WWOX: variants seen among roughly 807,000 people sequenced by gnomAD.
The protein encoded by WWOX is WW domain-containing oxidoreductase.
In WWOX, 69 loss-of-function variants were observed where a neutral mutation model predicts 46.2. The ratio of observed to expected loss-of-function variants is 1.49; its 90% CI spans 1.23 to 1.82. The LOEUF (loss-of-function observed/expected upper bound fraction) is 1.82, where lower values mean the gene tolerates loss of function less well. WWOX is among the 40% of genes most tolerant of loss of function. The pLI is 0.00. For missense variants in WWOX, 919 were observed against 542.6 expected (o/e 1.69, Z -6.89); for synonymous variants, 359 against 202.6 (o/e 1.77, Z -6.56).
At chr16:79,115,368 A>C (rs1467731625) in intron 8 of WWOX, among the ~76,000 whole-genome samples, 1 of 152,220 alleles carries the variant, frequency 6.6e-6, no homozygotes, top group Non-Finnish European at 1.5e-5. Context: ...TATATGGTGC[A>C]GGGTGGTCAG....
chr16:78,541,398 C>G (rs920837493), intron 8 of WWOX, among the ~76,000 whole-genome samples: 2 of 134,300 alleles, frequency 1.5e-5, no homozygotes, highest in African/African-American at 5.4e-5. Flanking sequence ...GGCGTGAACC[C>G]GGGAGGCGGA....
rs141561954 is a variant in WWOX, at chr16:78,599,272, T to C, written c.1056+166520T>C. Among the ~76,000 whole-genome samples, 996 of 152,354 alleles carry C rather than the reference T, an allele frequency of 6.5e-3. 8 individuals are homozygous for C. Among genetic ancestry groups the C allele is most frequent in the African/African-American group, 0.022 (908 of 41,592 alleles). On this transcript the variant is annotated intron_variant, in intron 8 of 8. Coordinates refer to ENST00000566780, the MANE Select transcript of WWOX (RefSeq NM_016373.4). ...AATTCTCAGCTGGTCTAGCTTTGTC[T>C]GTGAACCTCCGGGATCTCTCAGGGG...
At chr16:79,197,397 A>G (rs762004964) in intron 8 of WWOX, among the ~76,000 whole-genome samples, 9 of 152,112 alleles carry the variant, frequency 5.9e-5, no homozygotes, top group African/African-American at 9.7e-5. Flanking sequence ...TTCAGTTTAA[A>G]TTGCTTGTGG....
At chr16:78,650,847 G>C (rs564312424) in intron 8 of WWOX, among the ~76,000 whole-genome samples, 1 of 152,158 alleles carries the variant, frequency 6.6e-6, no homozygotes, top group Non-Finnish European at 1.5e-5. Context: ...CGCTGATGTA[G>C]ACAGAATATT....
intron 8 of WWOX, among the ~76,000 whole-genome samples, chr16:78,769,402 C>G (rs551709420): frequency 1.6e-4 from 24 of 152,228 alleles, no homozygotes; most frequent in Admixed American, 2.6e-4. Context: ...TGCTTGTAAC[C>G]TGTCAAGCAC....
chr16:78,431,193 A>AC (rs1380489426), intron 7 of WWOX, among the ~76,000 whole-genome samples: 2 of 152,202 alleles, frequency 1.3e-5, no homozygotes, highest in African/African-American at 4.8e-5. Flanking sequence ...ACTCCGTCAG[A>AC]CCCAATTATA....
In WWOX at chr16:79,048,721, G is replaced by A. The variant is rs536819520; in HGVS notation, c.1057-162887G>A. On this transcript the variant is annotated intron_variant, in intron 8 of 8. Coordinates refer to ENST00000566780, the MANE Select transcript of WWOX (RefSeq NM_016373.4). ...TTTCTTCAAACTTTCAAATTGTCTT[G>A]CCTGCAGCAGATGCAGACCCAGCAC... Among the ~76,000 whole-genome samples the A allele has an allele frequency of 2.6e-5, 4 of 152,098 alleles. No homozygotes were observed. The South Asian group carries it at 8.3e-4, about 32-fold the overall frequency.
intron 8 of WWOX, among the ~76,000 whole-genome samples, chr16:78,841,892 C>T (rs755931146): frequency 3.3e-5 from 5 of 152,056 alleles, no homozygotes; most frequent in Non-Finnish European, 7.4e-5. Context: ...TCTTTTGAAA[C>T]GAGGGTCTCG....
intron 8 of WWOX, among the ~76,000 whole-genome samples, chr16:79,066,149 C>A (rs1020572727): frequency 6.6e-6 from 1 of 152,162 alleles, no homozygotes; most frequent in African/African-American, 2.4e-5. Flanking sequence ...ATCTACTAAT[C>A]TTTGAGTTTG....
intron 8 of WWOX, among the ~76,000 whole-genome samples, chr16:78,718,975 T>G (rs950257935): frequency 2.6e-5 from 4 of 152,016 alleles, no homozygotes; most frequent in Middle Eastern, 3.2e-3. Context: ...ATTCACATTT[T>G]TTTGAGTCTG....
intron 8 of WWOX, among the ~76,000 whole-genome samples, chr16:78,744,035 C>T (rs958958268): frequency 2.0e-5 from 3 of 152,072 alleles, no homozygotes; most frequent in Non-Finnish European, 4.4e-5. Context: ...TTATTCAAAA[C>T]GCCAAGAACC....
chr16:79,078,401 T>C (rs1270961539), intron 8 of WWOX, among the ~76,000 whole-genome samples: 2 of 152,170 alleles, frequency 1.3e-5, no homozygotes, highest in Non-Finnish European at 2.9e-5. Context: ...CTGATTCTCA[T>C]GGCTCGGGAA....
At chr16:79,209,239 G>T (rs2051627970) in intron 8 of WWOX, among the ~76,000 whole-genome samples, 1 of 152,222 alleles carries the variant, frequency 6.6e-6, no homozygotes, top group African/African-American at 2.4e-5. Context: ...TCCGTGGAAG[G>T]AAAAGGTAGG....
intron 8 of WWOX, among the ~76,000 whole-genome samples, chr16:78,985,675 A>G (rs761047993): frequency 6.6e-6 from 1 of 152,238 alleles, no homozygotes; most frequent in Non-Finnish European, 1.5e-5. Flanking sequence ...AGGCTGAGGC[A>G]GGAGAATTGC....
In WWOX at chr16:79,212,385, G is replaced by A; in HGVS notation, c.*589G>A. ...GGGAGTAGAATACGCAGAACTACCA[G>A]GTGGCAAAGTACTTGTCATAGACTC... On this transcript the variant is annotated 3_prime_UTR_variant, in exon 9 of 9. Coordinates refer to ENST00000566780, the MANE Select transcript of WWOX (RefSeq NM_016373.4). 1 of 481,290 alleles carries A rather than the reference G, an allele frequency of 2.1e-6. No homozygotes were observed. The highest frequency in any genetic ancestry group is 3.6e-6 in the Non-Finnish European group (1 of 276,158). The allele number at this position is 481,290 out of a possible 1,614,324, so 29.8% of individuals were successfully genotyped here. A position where few individuals can be genotyped will look rare whatever the true frequency, so the allele number is the denominator to read the frequency against.
At chr16:78,644,880 G>C (rs921810191) in intron 8 of WWOX, among the ~76,000 whole-genome samples, 1 of 152,148 alleles carries the variant, frequency 6.6e-6, no homozygotes, top group Non-Finnish European at 1.5e-5. Flanking sequence ...GTAGAAAATC[G>C]GGACGGCATG....
intron 8 of WWOX, among the ~76,000 whole-genome samples, chr16:78,850,996 C>T (rs1370861797): frequency 6.6e-6 from 1 of 152,142 alleles, no homozygotes. Flanking sequence ...TGTAGTGTTT[C>T]TTTTGCAGCT....
chr16:79,109,950 A>C lies in WWOX; in HGVS notation c.1057-101658A>C, dbSNP rs577938882. On this transcript the variant is annotated intron_variant, in intron 8 of 8. Transcript: ENST00000566780. ...TATGTGAGCTTAAAATGTCAGTTGC[A>C]TGGAAATGAAAGTGCCAACCCTCCA... is the stretch of plus-strand genomic sequence containing the variant. Among the ~76,000 whole-genome samples, 3 of 152,338 alleles carry C rather than the reference A, an allele frequency of 2.0e-5. No homozygotes were observed. In the East Asian group the frequency reaches 5.8e-4, roughly 29 times the overall value.
At chr16:78,323,551 G>A (rs890976536) in intron 5 of WWOX, among the ~76,000 whole-genome samples, 22 of 152,222 alleles carry the variant, frequency 1.4e-4, no homozygotes, top group Non-Finnish European at 2.4e-4. Flanking sequence ...GTTTGAACAT[G>A]CCATGCAGTG....
Sources: gnomAD v4.1 joint callset for allele counts (sites outside exome capture counted in the v4.1 genomes callset) on GRCh38, gnomAD v4.1.1 for gene constraint, MANE v1.5 for transcripts, NCBI Gene and HGNC (gene_info 2026-07-23, HGNC 2026-07-21) for gene names.